Variants in ADAMTS12 observed in about 807,000 individuals in gnomAD.
ADAMTS12 encodes A disintegrin and metalloproteinase with thrombospondin motifs 12.
ADAMTS12 carries 118 observed loss-of-function variants against 167.8 expected under a neutral mutation model. The ratio of observed to expected loss-of-function variants is 0.70; its 90% confidence interval spans 0.61 to 0.82. The LOEUF is 0.82. Among genes scored for constraint, ADAMTS12 ranks in the 40% least tolerant of loss-of-function variants. The pLI, the probability that ADAMTS12 is intolerant of heterozygous loss-of-function variation, is 0.00. For synonymous variants in ADAMTS12, 704 were observed against 716.9 expected (o/e 0.98, Z 0.29); for missense variants, 1,916 against 1,998.8 (o/e 0.96, Z 0.79).
Position 33,658,184 on chromosome 5 carries a change from C to G in ADAMTS12, c.1190G>C (p.Ser397Thr). 4 of 1,613,332 alleles carry G rather than the reference C, an allele frequency of 2.5e-6. No individual in the cohort carries two copies. Among genetic ancestry groups the G allele is most frequent in the Non-Finnish European group, 3.4e-6 (4 of 1,179,488 alleles). ...AACCTCCCTATCATTGGCCCTTTAC[C>G]TGTGTCCTAGCTCATGGGCAATTGT... ...AFTIAHELGH[S>T]FGIQHDGKEN... The change falls in exon 7 of 24, where the codon AGC becomes ACC. Residue 397 changes from serine to threonine, a missense_variant and splice_region_variant. Ser to Thr is a moderately conservative substitution (Grantham distance 58). Transcript: ENST00000504830.
chr5:33,861,951 G>C (rs1433847703), intron 2 of ADAMTS12, among the ~76,000 whole-genome samples: 11 of 152,078 alleles, frequency 7.2e-5, no homozygotes. Context: ...CGAAATAAAG[G>C]CAGAAATAAA....
At chr5:33,589,693 C>T (rs1211934559) in intron 17 of ADAMTS12, among the ~76,000 whole-genome samples, 4 of 152,070 alleles carry the variant, frequency 2.6e-5, no homozygotes, top group South Asian at 4.2e-4. Context: ...GTGTACAGCC[C>T]GCTTGTCCAT....
At chr5:33,817,127 G>C (rs1027468052) in intron 2 of ADAMTS12, among the ~76,000 whole-genome samples, 2 of 152,100 alleles carry the variant, frequency 1.3e-5, no homozygotes. Context: ...GTTCAATTCT[G>C]CCATTTTGGA....
rs1274799082 is a variant in ADAMTS12, at chr5:33,891,893, T to C, written c.-37A>G. Reference sequence around the variant, plus strand: ...TGAGGAGAAGAAAAGTCAAAAAAGTTTTAGCCCTCAGCTCCAGAAATAAAG... The same window carrying C: ...TGAGGAGAAGAAAAGTCAAAAAAGTCTTAGCCCTCAGCTCCAGAAATAAAG... On this transcript the variant is annotated 5_prime_UTR_variant, in exon 1 of 24. Transcript: ENST00000504830. 32 of 1,604,044 alleles carry C rather than the reference T, an allele frequency of 2.0e-5. No homozygotes were observed. The East Asian group carries it at 6.9e-4, about 35-fold the overall frequency.
At position 33,859,614 on chromosome 5, in the gene ADAMTS12, C is replaced by A. The variant is rs150152649; in HGVS notation, c.489+21505G>T. On this transcript the variant is annotated intron_variant, in intron 2 of 23. Coordinates refer to ENST00000504830, the MANE Select transcript of ADAMTS12 (RefSeq NM_030955.4). ...AGACTTAAACATTCCTGCCTGCTGGCTCTGAAGAGAGCAGTGGATCTCCCA... is the reference window on the plus strand; with the variant it reads ...AGACTTAAACATTCCTGCCTGCTGGATCTGAAGAGAGCAGTGGATCTCCCA... 1.4e-3 allele frequency among the ~76,000 whole-genome samples: 217 copies of A among 152,332 alleles called. 5 individuals carry two copies. The East Asian group carries it at 0.023, about 16-fold the overall frequency.
chr5:33,583,016 TA>T (rs1296958486), intron 18 of ADAMTS12, among the ~76,000 whole-genome samples: 1 of 152,210 alleles, frequency 6.6e-6, no homozygotes, highest in Non-Finnish European at 1.5e-5. Context: ...TAAGTTATTT[TA>T]AAATGTGTAA....
chr5:33,884,318 A>G (rs551346548), intron 1 of ADAMTS12, among the ~76,000 whole-genome samples: 1 of 152,148 alleles, frequency 6.6e-6, no homozygotes, highest in South Asian at 2.1e-4. Context: ...GTTGCCTTCC[A>G]TGAGGTCTAA....
At chr5:33,662,829 C>T (rs545551505) in intron 5 of ADAMTS12, among the ~76,000 whole-genome samples, 1 of 152,326 alleles carries the variant, frequency 6.6e-6, no homozygotes, top group African/African-American at 2.4e-5. Context: ...AATTACTTTC[C>T]CTTGCCTCAT....
chr5:33,617,712 G>A (rs191344587), intron 14 of ADAMTS12, among the ~76,000 whole-genome samples: 1 of 152,084 alleles, frequency 6.6e-6, no homozygotes, highest in Admixed American at 6.5e-5. Context: ...TCATATCAGA[G>A]CTCATGCAGG....
rs768460255 is a variant in ADAMTS12 at position 33,649,640 on chromosome 5, C to A, written c.1248G>T (p.Pro416=). The A allele has an allele frequency of 6.2e-7, 1 of 1,614,032 alleles. No homozygotes were observed. Among genetic ancestry groups the A allele is most frequent in the Admixed American group, 1.7e-5 (1 of 60,026 alleles). ...ACTGGAGCTGGCGGGACATGATGTA[C>A]GGATGTCTGCCCACAGGCTCACAGT... ...ENDCEPVGRH[P]YIMSRQLQYD... is the part of the protein sequence containing the mutation. Residue 416 remains proline (P), a synonymous_variant, in exon 8 of 24, where the codon CCG becomes CCT. Transcript: ENST00000504830.
intron 1 of ADAMTS12, among the ~76,000 whole-genome samples, chr5:33,889,565 G>A (rs1048026787): frequency 2.0e-5 from 3 of 152,278 alleles, no homozygotes; most frequent in South Asian, 4.1e-4. Flanking sequence ...AATTCTAAAT[G>A]TAAGTCTGCT....
At chr5:33,603,731 A>T (rs1738296049) in intron 16 of ADAMTS12, 1 of 152,234 alleles carries the variant, frequency 6.6e-6, no homozygotes, top group African/African-American at 2.4e-5. Context: ...CTGATCTAGA[A>T]CAAAGGTAAT....
chr5:33,760,635 C>A (rs1745320213), intron 2 of ADAMTS12, among the ~76,000 whole-genome samples: 2 of 152,224 alleles, frequency 1.3e-5, no homozygotes, highest in African/African-American at 4.8e-5. Flanking sequence ...CCAACGAAAT[C>A]CAGGAGCATC....
intron 2 of ADAMTS12, among the ~76,000 whole-genome samples, chr5:33,761,200 G>T (rs1189708603): frequency 6.6e-6 from 1 of 152,162 alleles, no homozygotes; most frequent in East Asian, 1.9e-4. Flanking sequence ...ATCCTTCACC[G>T]GAAGGACATA....
intron 3 of ADAMTS12, among the ~76,000 whole-genome samples, chr5:33,707,785 T>G (rs944465108): frequency 4.6e-5 from 7 of 152,012 alleles, no homozygotes; most frequent in East Asian, 3.9e-4. Flanking sequence ...TTCCTTACAC[T>G]TTATACAAAA....
At chr5:33,841,555 C>T (rs1432996136) in intron 2 of ADAMTS12, among the ~76,000 whole-genome samples, 1 of 152,172 alleles carries the variant, frequency 6.6e-6, no homozygotes, top group Non-Finnish European at 1.5e-5. Context: ...CCATTTTTGC[C>T]TAGTGTTCCA....
chr5:33,710,044 C>A (rs1309691681), intron 3 of ADAMTS12, among the ~76,000 whole-genome samples: 1 of 152,114 alleles, frequency 6.6e-6, no homozygotes, highest in Non-Finnish European at 1.5e-5. Context: ...AATTCCTTAT[C>A]TTCAAAATAG....
At position 33,535,141 on chromosome 5, in the gene ADAMTS12, T is replaced by C; in HGVS notation, c.4447-149A>G. ...TGGAGGAGTCATAGAATAAAGGCAC[T>C]AATAATTTGGAGATGTGAGTTTAGA... On this transcript the variant is annotated intron_variant, in intron 22 of 23. Transcript: ENST00000504830. 4.0e-6 allele frequency: 3 copies of C among 755,362 alleles called. No individual in the cohort carries two copies. The South Asian group carries it at 6.8e-5, about 17-fold the overall frequency. 46.8% of individuals were successfully genotyped at this position (755,362 alleles called of 1,614,324 possible). A position where few individuals can be genotyped will look rare whatever the true frequency, so the allele number is the denominator to read the frequency against.
At chr5:33,790,208 CT>C (rs910867140) in intron 2 of ADAMTS12, among the ~76,000 whole-genome samples, 8 of 152,260 alleles carry the variant, frequency 5.3e-5, no homozygotes, top group African/African-American at 1.7e-4. Flanking sequence ...TTCCATCTCC[CT>C]TTTTTTCCTG....
Sources: allele counts gnomAD v4.1 joint callset (sites outside exome capture counted in the v4.1 genomes callset), GRCh38; gene constraint gnomAD v4.1.1; transcripts MANE v1.5; gene names NCBI Gene and HGNC (gene_info 2026-07-23, HGNC 2026-07-21).